The following PHACTR4 variants were observed in gnomAD, a reference collection of about 807,000 sequenced individuals.
PHACTR4 encodes protein phosphatase 1, regulatory subunit 124.
Under a neutral mutation model 72.7 loss-of-function variants are expected in PHACTR4, and 51 were observed. That is an observed-to-expected ratio of 0.70 (90% CI 0.56 to 0.89). PHACTR4 has a LOEUF of 0.89. Ranked by LOEUF, PHACTR4 falls within the 40% of genes least tolerant of loss-of-function variation. The pLI, the probability that PHACTR4 is intolerant of heterozygous loss-of-function variation, is 0.00. For synonymous variants in PHACTR4, 255 were observed against 302.5 expected, an observed-to-expected ratio of 0.84 and a Z score of 1.63; for missense variants, 731 against 861.8, an observed-to-expected ratio of 0.85 and a Z score of 1.90.
intron 1 of PHACTR4, among the ~76,000 whole-genome samples, chr1:28,376,671 C>T (rs747586745): frequency 1.6e-4 from 24 of 150,298 alleles, no homozygotes; most frequent in Non-Finnish European, 3.1e-4. Flanking sequence ...GAGTCTTGCT[C>T]TGTCGCCCAG....
At chr1:28,401,215 T>C (rs1237696474) in intron 1 of PHACTR4, among the ~76,000 whole-genome samples, 3 of 151,392 alleles carry the variant, frequency 2.0e-5, no homozygotes, top group Non-Finnish European at 2.9e-5. Context: ...GTTTCAAGGC[T>C]GAAAGCAAGA....
At chr1:28,377,586 G>A (rs910265456) in intron 1 of PHACTR4, among the ~76,000 whole-genome samples, 9 of 151,916 alleles carry the variant, frequency 5.9e-5, no homozygotes, top group African/African-American at 2.2e-4. Context: ...TGGTGGCTGC[G>A]GCCTGTAATC....
chr1:28,487,138 A>G (rs770238906), intron 9 of PHACTR4, among the ~76,000 whole-genome samples: 212 of 152,214 alleles, frequency 1.4e-3, no homozygotes, highest in Middle Eastern at 0.014. Context: ...AGGCCGAGGC[A>G]GGCGGATCAC....
At chr1:28,441,674 G>A (rs1347220276) in intron 2 of PHACTR4, among the ~76,000 whole-genome samples, 1 of 152,166 alleles carries the variant, frequency 6.6e-6, no homozygotes, top group Non-Finnish European at 1.5e-5. Context: ...GTTCATAGGA[G>A]AAGCATGTAG....
intron 9 of PHACTR4, among the ~76,000 whole-genome samples, chr1:28,486,693 C>T (rs1279062381): frequency 6.6e-6 from 1 of 151,776 alleles, no homozygotes; most frequent in Non-Finnish European, 1.5e-5. Flanking sequence ...ATGCTGAAAC[C>T]CCATCTCTAT....
At chr1:28,416,586 G>A (rs909938065) in intron 2 of PHACTR4, among the ~76,000 whole-genome samples, 1 of 152,218 alleles carries the variant, frequency 6.6e-6, no homozygotes, top group Non-Finnish European at 1.5e-5. Context: ...ACTATTGCCT[G>A]TGTCCTCTCA....
intron 2 of PHACTR4, among the ~76,000 whole-genome samples, chr1:28,410,799 C>T (rs111794368): frequency 9.9e-5 from 15 of 152,018 alleles, no homozygotes; most frequent in Middle Eastern, 6.8e-3. Flanking sequence ...CTCCACCTCC[C>T]GGGTTCAAGT....
intron 9 of PHACTR4, among the ~76,000 whole-genome samples, chr1:28,482,465 C>T (rs1232870212): frequency 6.6e-6 from 1 of 152,138 alleles, no homozygotes; most frequent in African/African-American, 2.4e-5. Context: ...TGCAAGCCAG[C>T]TTTCTGCATA....
intron 8 of PHACTR4, among the ~76,000 whole-genome samples, chr1:28,476,787 T>TTTTTTTTTTTTTTTTTTTTTTG (rs1659951822): frequency 7.0e-6 from 1 of 143,500 alleles, no homozygotes; most frequent in Non-Finnish European, 1.5e-5. Flanking sequence ...TTTTTTTTTT[T>TTTTTTTTTTTTTTTTTTTTTTG]GAGACGGAGT....
chr1:28,485,554 A>G (rs567492269), intron 9 of PHACTR4, among the ~76,000 whole-genome samples: 1 of 150,606 alleles, frequency 6.6e-6, no homozygotes, highest in East Asian at 2.0e-4. Context: ...GTGCCACTGC[A>G]CTCCAGCCTG....
intron 8 of PHACTR4, among the ~76,000 whole-genome samples, chr1:28,477,330 C>A (rs1261400849): frequency 1.3e-5 from 2 of 151,730 alleles, no homozygotes; most frequent in Non-Finnish European, 2.9e-5. Context: ...GTGATCCGCC[C>A]ACCTCCCACA....
In PHACTR4 at chr1:28,493,010, C is replaced by T. The variant is rs766973593; in HGVS notation, c.2017-5C>T. ...AGCTGAAACATTTTTGTCTCTACTC[C>T]ACAGGCTGCCATAAGAAAAGAATTA... On this transcript the variant is annotated splice_polypyrimidine_tract_variant and splice_region_variant and intron_variant, in intron 12 of 13. Transcript: ENST00000373839. The T allele has an allele frequency of 8.5e-5, 137 of 1,609,580 alleles. No individual in the cohort carries two copies. The highest frequency in any genetic ancestry group is 1.1e-4 in the Non-Finnish European group (129 of 1,176,136).
At chr1:28,377,565 T>C (rs1651783156) in intron 1 of PHACTR4, among the ~76,000 whole-genome samples, 2 of 151,976 alleles carry the variant, frequency 1.3e-5, no homozygotes, top group African/African-American at 4.8e-5. Flanking sequence ...AAATGATCTG[T>C]AGGCCAGGAG....
At chr1:28,464,874 T>C (rs2124480929) in intron 4 of PHACTR4, among the ~76,000 whole-genome samples, 1 of 152,114 alleles carries the variant, frequency 6.6e-6, no homozygotes, top group Non-Finnish European at 1.5e-5. Flanking sequence ...TGGATAATTT[T>C]TGTATTTTTA....
chr1:28,370,646 ACT>A (rs950874552), intron 1 of PHACTR4, among the ~76,000 whole-genome samples: 8 of 148,770 alleles, frequency 5.4e-5, no homozygotes, highest in Admixed American at 4.7e-4. Flanking sequence ...TCATTCGGAC[ACT>A]CAGCTCCTCG....
intron 2 of PHACTR4, among the ~76,000 whole-genome samples, chr1:28,419,983 C>G (rs1403177092): frequency 1.3e-5 from 2 of 152,092 alleles, no homozygotes; most frequent in Non-Finnish European, 2.9e-5. Context: ...GACCAGTTCT[C>G]TAGGCCAGAT....
intron 10 of PHACTR4, among the ~76,000 whole-genome samples, chr1:28,490,612 G>A (rs375527099): frequency 2.0e-5 from 3 of 151,538 alleles, no homozygotes; most frequent in Middle Eastern, 3.4e-3. Context: ...TTGGAAGGCC[G>A]AGGCGGGTGG....
In PHACTR4 at chr1:28,465,804, A is replaced by C. The variant is rs1006899771; in HGVS notation, c.391A>C (p.Ser131Arg). The stretch of plus-strand genomic sequence containing the variant: ...AGAGGAAGAGCCAGTAAGATTAGCA[A>C]GTCTTAGGAAAGCTATTCCAGAAGA... The part of the protein sequence containing the change: ...QVEEEPVRLA[S>R]LRKAIPEEDL... Residue 131 changes from serine to arginine, a missense_variant, in exon 5 of 14, where the codon AGT (serine) becomes CGT (arginine). Around this residue, in one of 2 missense-constraint regions of PHACTR4, gnomAD observed 621 missense variants for 676.6 expected, o/e 0.92. Transcript: ENST00000373839. 1.6e-5 allele frequency: 25 copies of C among 1,612,580 alleles called. No homozygotes were observed. Among genetic ancestry groups the C allele is most frequent in the Non-Finnish European group, 2.0e-5 (24 of 1,179,312 alleles).
At chr1:28,415,647 G>A (rs1655060516) in intron 2 of PHACTR4, among the ~76,000 whole-genome samples, 2 of 152,118 alleles carry the variant, frequency 1.3e-5, no homozygotes, top group Admixed American at 1.3e-4. Flanking sequence ...ACCCTCTCTT[G>A]TATAAATATG....
Sources: allele counts gnomAD v4.1 joint callset (sites outside exome capture counted in the v4.1 genomes callset), GRCh38; gene constraint gnomAD v4.1.1; regional missense constraint gnomAD v4.1.1; transcripts MANE v1.5; gene names NCBI Gene and HGNC (gene_info 2026-07-23, HGNC 2026-07-21).